The following LTBP1 variants were observed in gnomAD, a reference collection of about 807,000 sequenced individuals.
LTBP1 encodes the protein latent-transforming growth factor beta-binding protein 1.
A neutral mutation model predicts 207.6 loss-of-function variants in LTBP1; 129 were observed. The observed-to-expected ratio is 0.62, with a 90% CI of 0.54 to 0.72. The LOEUF is 0.72. LTBP1 is among the 30% of genes least tolerant of loss of function. The pLI, the probability that LTBP1 is intolerant of heterozygous loss-of-function variation, is 0.00. For synonymous variants in LTBP1, 963 were observed against 833.7 expected, an observed-to-expected ratio of 1.16 and a Z score of -2.67; for missense variants, 2,281 against 2,217.2, an observed-to-expected ratio of 1.03 and a Z score of -0.58.
At chr2:33,308,339 A>T (rs1256557595) in intron 22 of LTBP1, among the ~76,000 whole-genome samples, 1 of 152,170 alleles carries the variant, frequency 6.6e-6, no homozygotes, top group East Asian at 1.9e-4. Flanking sequence ...TTTGCTATGA[A>T]TTTTTTTAAA....
intron 5 of LTBP1, among the ~76,000 whole-genome samples, chr2:33,157,949 A>G (rs1263642122): frequency 1.3e-5 from 2 of 152,026 alleles, no homozygotes; most frequent in Admixed American, 1.3e-4. Context: ...TGAGACCAGC[A>G]TGGCCAACAT....
chr2:33,220,336 CT>C (rs34670987), intron 8 of LTBP1, among the ~76,000 whole-genome samples: 62,352 of 151,896 alleles, frequency 0.41, 13,886 homozygotes, highest in Non-Finnish European at 0.5. Context: ...TTCCACACCT[CT>C]TTTTTTTCAC....
chr2:33,338,929 A>G (rs1395892003), intron 24 of LTBP1, among the ~76,000 whole-genome samples: 1 of 152,088 alleles, frequency 6.6e-6, no homozygotes, highest in Non-Finnish European at 1.5e-5. Flanking sequence ...CCTACTAAGG[A>G]GTGTGGTTAC....
chr2:33,250,935 A>T (rs911935923), intron 10 of LTBP1, among the ~76,000 whole-genome samples: 1 of 152,180 alleles, frequency 6.6e-6, no homozygotes, highest in Middle Eastern at 3.4e-3. Context: ...TTGTCTCACC[A>T]CTGCTGCTGC....
chr2:32,975,583 G>GTTTTTTTTTTTTGTTTTTT (rs1681598756), intron 2 of LTBP1, among the ~76,000 whole-genome samples: 1 of 31,360 alleles, frequency 3.2e-5, no homozygotes, highest in African/African-American at 1.4e-4. Context: ...TTCATTCTTT[G>GTTTTTTTTTTTTGTTTTTT]TTTTTTTTTT....
chr2:33,184,900 A>G (rs1405845662), intron 5 of LTBP1, among the ~76,000 whole-genome samples: 2 of 151,970 alleles, frequency 1.3e-5, no homozygotes, highest in Non-Finnish European at 2.9e-5. Context: ...ACAGAGAAGT[A>G]GTCAGTCAGT....
chr2:33,363,489 A>G lies in LTBP1; in HGVS notation c.4370A>G (p.Tyr1457Cys), dbSNP rs2094949312. The G allele has an allele frequency of 6.2e-7, 1 of 1,613,796 alleles. No homozygotes were observed. Among genetic ancestry groups the G allele is most frequent in the African/African-American group, 1.3e-5 (1 of 74,916 alleles). Residue 1457 changes from tyrosine (Y) to cysteine (C), a missense_variant, in exon 29 of 34, where the codon TAC becomes TGC. Transcript: ENST00000404816. ...GAATGCTACTGTAAGCAAGGGACGT[A>G]CTATGATCCTGTGAAACTGCAGTGC... is the stretch of plus-strand genomic sequence containing the variant. ...GYECYCKQGTYYDPVKLQCFD... is the reference protein window; with the variant it reads ...GYECYCKQGTCYDPVKLQCFD...
chr2:33,154,364 T>G (rs1487604012), intron 5 of LTBP1, among the ~76,000 whole-genome samples: 1 of 152,226 alleles, frequency 6.6e-6, no homozygotes, highest in Non-Finnish European at 1.5e-5. Context: ...CACTCATTTC[T>G]CCTTCCCAGT....
chr2:33,103,213 T>A (rs1393568140), intron 3 of LTBP1, among the ~76,000 whole-genome samples: 1 of 152,036 alleles, frequency 6.6e-6, no homozygotes, highest in African/African-American at 2.4e-5. Context: ...GTCTCTATGT[T>A]GTATATATAG....
intron 9 of LTBP1, among the ~76,000 whole-genome samples, chr2:33,225,262 G>A (rs928492130): frequency 6.6e-6 from 1 of 152,188 alleles, no homozygotes; most frequent in Non-Finnish European, 1.5e-5. Flanking sequence ...GGAACATTCA[G>A]TGTATCTTCC....
intron 31 of LTBP1, among the ~76,000 whole-genome samples, chr2:33,383,246 G>A (rs191489782): frequency 3.9e-4 from 59 of 152,310 alleles, no homozygotes; most frequent in African/African-American, 1.2e-3. Context: ...CCAGCTACTC[G>A]GGAGGCTGAG....
chr2:33,373,803 T>A (rs2095101810), intron 31 of LTBP1, among the ~76,000 whole-genome samples: 1 of 152,204 alleles, frequency 6.6e-6, no homozygotes, highest in Non-Finnish European at 1.5e-5. Context: ...GGTGTAAAGT[T>A]GTATTTAATG....
chr2:33,208,701 A>G (rs940252924), intron 7 of LTBP1, among the ~76,000 whole-genome samples: 4 of 152,148 alleles, frequency 2.6e-5, no homozygotes, highest in African/African-American at 7.2e-5. Context: ...TCATAAAATC[A>G]TAGAACTTGG....
intron 20 of LTBP1, among the ~76,000 whole-genome samples, chr2:33,299,240 CAAAA>C (rs1300938977): frequency 5.1e-5 from 4 of 78,850 alleles, no homozygotes; most frequent in Admixed American, 1.4e-4. Context: ...GACTCTGTCT[CAAAA>C]AAAAAAAAAA....
chr2:33,257,864 C>A (rs1431013290), intron 12 of LTBP1, among the ~76,000 whole-genome samples: 1 of 152,176 alleles, frequency 6.6e-6, no homozygotes, highest in Non-Finnish European at 1.5e-5. Context: ...CTATTTATTT[C>A]TGAAGTGGAA....
chr2:33,353,793 A>C (rs1408615790), intron 26 of LTBP1, among the ~76,000 whole-genome samples: 1 of 152,062 alleles, frequency 6.6e-6, no homozygotes, highest in Non-Finnish European at 1.5e-5. Flanking sequence ...AGTTCTGACA[A>C]TTGAACTCAA....
chr2:33,108,782 CT>C (rs2080220696), intron 3 of LTBP1, among the ~76,000 whole-genome samples: 1 of 152,172 alleles, frequency 6.6e-6, no homozygotes, highest in African/African-American at 2.4e-5. Context: ...GAGGATTCCT[CT>C]TTCCAAGAGG....
intron 3 of LTBP1, among the ~76,000 whole-genome samples, chr2:33,053,246 C>A (rs2076832138): frequency 6.6e-6 from 1 of 152,104 alleles, no homozygotes; most frequent in South Asian, 2.1e-4. Context: ...TTCCTATATA[C>A]CCTGGCCCCT....
Position 32,969,867 on chromosome 2 carries a change from A to G in LTBP1, c.565+20922A>G, listed in dbSNP as rs534765271. Among the ~76,000 whole-genome samples, 82 of 152,318 alleles carry G rather than the reference A, an allele frequency of 5.4e-4. 1 individual carries two copies. Among genetic ancestry groups the G allele is most frequent in the African/African-American group, 1.8e-3 (76 of 41,576 alleles). On this transcript the variant is annotated intron_variant, in intron 2 of 33. Transcript: ENST00000404816. ...CGCCAACTGATTTCCACAGTGGCTG[A>G]ACTAATTTACATTCCCACCTACAGT... is the stretch of plus-strand genomic sequence containing the variant.
Sources: gnomAD v4.1 joint callset for allele counts (sites outside exome capture counted in the v4.1 genomes callset) on GRCh38, gnomAD v4.1.1 for gene constraint, MANE v1.5 for transcripts, NCBI Gene and HGNC (gene_info 2026-07-23, HGNC 2026-07-21) for gene names.